The following CSMD1 variants were observed in gnomAD, a reference collection of about 807,000 sequenced individuals.
The protein encoded by CSMD1 is CUB and sushi domain-containing protein 1.
CSMD1 carries 213 observed loss-of-function variants against 417.5 expected under a neutral mutation model. That is an observed-to-expected ratio of 0.51 (90% CI 0.46 to 0.57). CSMD1 has a LOEUF of 0.57. Ranked by LOEUF, CSMD1 falls within the 20% of genes least tolerant of loss-of-function variation. CSMD1 has a pLI of 0.00. For synonymous variants in CSMD1, 2,862 were observed against 1,736.8 expected, an observed-to-expected ratio of 1.65 and a Z score of -16.11; for missense variants, 6,923 against 4,529.7, an observed-to-expected ratio of 1.53 and a Z score of -15.17.
intron 3 of CSMD1, among the ~76,000 whole-genome samples, chr8:4,247,330 C>G (rs902985853): frequency 6.6e-6 from 1 of 152,134 alleles, no homozygotes; most frequent in South Asian, 2.1e-4. Context: ...CCCTGTCATA[C>G]CACATAGAGT....
intron 5 of CSMD1, among the ~76,000 whole-genome samples, chr8:3,758,496 T>C (rs1411785989): frequency 2.0e-5 from 3 of 152,212 alleles, no homozygotes; most frequent in Non-Finnish European, 4.4e-5. Flanking sequence ...TGTTATTCTA[T>C]CGCTGTCTAC....
At position 4,707,818 on chromosome 8, in the gene CSMD1, G is replaced by C. The variant is rs1380732528; in HGVS notation, c.86-70260C>G. Among the ~76,000 whole-genome samples the C allele has an allele frequency of 2.1e-5, 3 of 144,514 alleles. No homozygotes were observed. The East Asian group carries it at 6.3e-4, about 30-fold the overall frequency. The allele number at this position is 144,514 out of a possible 152,430, so 94.8% of individuals were successfully genotyped here. A position where few individuals can be genotyped will look rare whatever the true frequency, so the allele number is the denominator to read the frequency against. On this transcript the variant is annotated intron_variant, in intron 1 of 69. Coordinates refer to ENST00000635120, the MANE Select transcript of CSMD1 (RefSeq NM_033225.6). ...AGAAGAATCGCTTGAACTCGGGAGG[G>C]AGAGGTTGCAGTGAACCAAGATCGC... is the stretch of plus-strand genomic sequence containing the variant.
intron 1 of CSMD1, among the ~76,000 whole-genome samples, chr8:4,992,215 C>T (rs1340335213): frequency 1.3e-5 from 2 of 151,996 alleles, no homozygotes; most frequent in Non-Finnish European, 2.9e-5. Context: ...ACCTGGCCCT[C>T]CACACCCTCC....
intron 1 of CSMD1, among the ~76,000 whole-genome samples, chr8:4,800,607 G>A (rs1798229503): frequency 6.6e-6 from 1 of 152,230 alleles, no homozygotes; most frequent in Non-Finnish European, 1.5e-5. Flanking sequence ...GCCTAGCAAA[G>A]GGGTAGAGTC....
intron 49 of CSMD1, among the ~76,000 whole-genome samples, chr8:3,063,990 C>A (rs377625356): frequency 6.6e-6 from 1 of 152,126 alleles, no homozygotes; most frequent in Non-Finnish European, 1.5e-5. Context: ...CACAGATGCA[C>A]GGTCATTAGG....
intron 1 of CSMD1, among the ~76,000 whole-genome samples, chr8:4,716,355 C>T (rs1321472451): frequency 2.6e-5 from 4 of 152,194 alleles, no homozygotes; most frequent in Non-Finnish European, 5.9e-5. Flanking sequence ...ACAGGCATGA[C>T]ATCAAGTGAC....
intron 51 of CSMD1, among the ~76,000 whole-genome samples, chr8:3,026,350 C>A (rs1187773423): frequency 6.6e-6 from 1 of 152,170 alleles, no homozygotes; most frequent in African/African-American, 2.4e-5. Context: ...CTGGATCCCA[C>A]TGGAGCCCAC....
chr8:3,459,640 C>A (rs968816234), intron 12 of CSMD1, among the ~76,000 whole-genome samples: 3 of 152,092 alleles, frequency 2.0e-5, no homozygotes, highest in Non-Finnish European at 2.9e-5. Flanking sequence ...AACTCCCGGA[C>A]GGTCCAGGGG....
chr8:3,893,726 T>A (rs1347205460), intron 5 of CSMD1, among the ~76,000 whole-genome samples: 13 of 152,028 alleles, frequency 8.6e-5, no homozygotes, highest in Admixed American at 8.5e-4. Flanking sequence ...GCCATCACAA[T>A]AAGCATTAAC....
intron 5 of CSMD1, among the ~76,000 whole-genome samples, chr8:3,822,529 G>A (rs1372924882): frequency 6.6e-6 from 1 of 152,200 alleles, no homozygotes. Context: ...GTTAATTAAT[G>A]TCTTCCCCGA....
At chr8:3,596,491 G>C (rs766785717) in intron 8 of CSMD1, among the ~76,000 whole-genome samples, 107 of 152,254 alleles carry the variant, frequency 7.0e-4, no homozygotes, top group Non-Finnish European at 1.3e-3. Context: ...ATGGGATGCT[G>C]GATTCAAATG....
At chr8:4,163,334 A>T (rs1797274903) in intron 3 of CSMD1, among the ~76,000 whole-genome samples, 1 of 152,152 alleles carries the variant, frequency 6.6e-6, no homozygotes, top group Admixed American at 6.6e-5. Flanking sequence ...TGGCTGTTCC[A>T]TTTCGCATTC....
chr8:4,977,396 G>C (rs539532244), intron 1 of CSMD1, among the ~76,000 whole-genome samples: 2 of 152,282 alleles, frequency 1.3e-5, no homozygotes, highest in Non-Finnish European at 2.9e-5. Context: ...AAGTTGAAAG[G>C]ATTTCAGGCT....
chr8:3,874,740 G>A lies in CSMD1; in HGVS notation c.819-120698C>T, dbSNP rs188944291. The stretch of plus-strand genomic sequence containing the variant: ...GCGCCCACTGCTCTTGGCAATGGAG[G>A]TGAGAACATACCATGTCTGTGACGG... On this transcript the variant is annotated intron_variant, in intron 5 of 69. Coordinates refer to ENST00000635120, the MANE Select transcript of CSMD1 (RefSeq NM_033225.6). 3.5e-4 allele frequency among the ~76,000 whole-genome samples: 53 copies of A among 152,258 alleles called. No individual in the cohort carries two copies. The South Asian group carries it at 1.0e-2, about 29-fold the overall frequency.
rs1412440655 is a variant in CSMD1 at position 3,235,922 on chromosome 8, T to TTG, written c.4154-5692_4154-5691insCA. ...CAGTTATATGAAGATGTAAGTTTTT[T>TTG]TTTTTTTTTTTTTGAGACAGAGTCT... is the stretch of plus-strand genomic sequence containing the variant. On this transcript the variant is annotated intron_variant, in intron 26 of 69. Transcript: ENST00000635120. Among the ~76,000 whole-genome samples, 4 of 142,944 alleles carry TTG rather than the reference T, an allele frequency of 2.8e-5. 1 individual carries two copies. The highest frequency in any genetic ancestry group is 2.1e-4 in the Admixed American group (3 of 14,310). 93.8% of individuals were successfully genotyped at this position (142,944 alleles called of 152,430 possible).
chr8:4,668,192 C>T (rs999324089), intron 1 of CSMD1, among the ~76,000 whole-genome samples: 2 of 152,034 alleles, frequency 1.3e-5, no homozygotes, highest in Non-Finnish European at 2.9e-5. Flanking sequence ...ATAATAACTT[C>T]TGTTATGGCT....
rs550478628 is a variant in CSMD1 at position 3,672,122 on chromosome 8, T to C, written c.1009+36292A>G. The stretch of plus-strand genomic sequence containing the variant: ...TGATGCAGCGTTCAAGGTTAGGTGC[T>C]GTCTACTTCCTCTTGCAAACTTGTT... On this transcript the variant is annotated intron_variant, in intron 7 of 69. Transcript: ENST00000635120. 2.0e-5 allele frequency among the ~76,000 whole-genome samples: 3 copies of C among 152,354 alleles called. No individual in the cohort carries two copies. In the South Asian group the frequency reaches 6.2e-4, roughly 32 times the overall value.
chr8:3,050,203 T>A (rs1811727964), intron 50 of CSMD1, among the ~76,000 whole-genome samples: 1 of 151,518 alleles, frequency 6.6e-6, no homozygotes, highest in Non-Finnish European at 1.5e-5. Flanking sequence ...ACTTTAAATC[T>A]CTCTAGAGTA....
Position 3,012,861 on chromosome 8 carries a change from C to T in CSMD1, c.8029+5616G>A, listed in dbSNP as rs550372886. Among the ~76,000 whole-genome samples, 10 of 152,282 alleles carry T rather than the reference C, an allele frequency of 6.6e-5. No individual in the cohort carries two copies. In the South Asian group the frequency reaches 1.2e-3, roughly 19 times the overall value. ...CACCTTAAATTGTAATAATCCCCACCTGTCAAGGATGGAGACAGGAAGAGA... is the reference window on the plus strand; with the variant it reads ...CACCTTAAATTGTAATAATCCCCACTTGTCAAGGATGGAGACAGGAAGAGA... On this transcript the variant is annotated intron_variant, in intron 52 of 69. Coordinates refer to ENST00000635120, the MANE Select transcript of CSMD1 (RefSeq NM_033225.6).
Sources: gnomAD v4.1 joint callset for allele counts (sites outside exome capture counted in the v4.1 genomes callset) on GRCh38, gnomAD v4.1.1 for gene constraint, MANE v1.5 for transcripts, NCBI Gene and HGNC (gene_info 2026-07-23, HGNC 2026-07-21) for gene names.